Variants in CACNA2D4 observed in about 807,000 individuals in gnomAD.
The protein encoded by CACNA2D4 is calcium voltage-gated channel auxiliary subunit alpha2delta 4.
Under a neutral mutation model 163.8 loss-of-function variants are expected in CACNA2D4, and 157 were observed. The ratio of observed to expected loss-of-function variants is 0.96; its 90% confidence interval spans 0.84 to 1.09. CACNA2D4 has a LOEUF of 1.09. Ranked by LOEUF, CACNA2D4 falls within the 50% of genes least tolerant of loss-of-function variation. The probability of loss-of-function intolerance (pLI) is 0.00; values close to 1 mark genes in which losing one functional copy is unlikely to be tolerated. For synonymous variants in CACNA2D4, 598 were observed against 586.9 expected (o/e 1.02, Z -0.27); for missense variants, 1,410 against 1,479.9 (o/e 0.95, Z 0.78).
rs1418616580 is a variant in CACNA2D4 at position 1,809,333 on chromosome 12, T to C, written c.2721+945A>G. ...TTAGAGCCCTCAGCTGGGGCTGGCTTAGACACTGTGTAGTCCAGCCCCCGG... is the reference window on the plus strand; with the variant it reads ...TTAGAGCCCTCAGCTGGGGCTGGCTCAGACACTGTGTAGTCCAGCCCCCGG... On this transcript the variant is annotated intron_variant, in intron 29 of 37. Transcript: ENST00000382722. 5.1e-6 allele frequency: 3 copies of C among 587,216 alleles called. No individual in the cohort carries two copies. The African/African-American group carries it at 5.6e-5, about 11-fold the overall frequency. The allele number at this position is 587,216 out of a possible 1,614,324, so 36.4% of individuals were successfully genotyped here.
At chr12:1,811,623 T>C (rs765236934) in intron 27 of CACNA2D4, 39 bp downstream of exon 27, 62 of 1,550,370 alleles carry the variant, frequency 4.0e-5, no homozygotes, top group Non-Finnish European at 2.0e-5. Context: ...GGGAGCGTGG[T>C]GAGTCCCCAG....
At chr12:1,868,632 A>G (rs1472258852) in intron 18 of CACNA2D4, among the ~76,000 whole-genome samples, 1 of 152,076 alleles carries the variant, frequency 6.6e-6, no homozygotes, top group African/African-American at 2.4e-5. Flanking sequence ...TGTCCTTACC[A>G]CACACAGGCT....
At chr12:1,800,310 C>A (rs1184090132) in intron 32 of CACNA2D4, 76 bp downstream of exon 32, 1 of 1,490,382 alleles carries the variant, frequency 6.7e-7, no homozygotes, top group African/African-American at 1.4e-5. Flanking sequence ...GACCTTGCAG[C>A]CTCCTGCTCA....
chr12:1,841,294 G>A (rs868241160), intron 25 of CACNA2D4, among the ~76,000 whole-genome samples: 2 of 152,180 alleles, frequency 1.3e-5, no homozygotes, highest in African/African-American at 2.4e-5. Flanking sequence ...CCACCATGCG[G>A]CCCTGGGCAG....
intron 26 of CACNA2D4, chr12:1,835,450 C>G (rs918776069): frequency 6.6e-6 from 1 of 152,218 alleles, no homozygotes; most frequent in Non-Finnish European, 1.5e-5. Context: ...CACACTCACA[C>G]GGTCACACGG....
chr12:1,805,895 CGCAGGCG>C (rs1863519482), intron 29 of CACNA2D4, among the ~76,000 whole-genome samples: 1 of 152,210 alleles, frequency 6.6e-6, no homozygotes, highest in Non-Finnish European at 1.5e-5. Flanking sequence ...CTGGGCGGGC[CGCAGGCG>C]GCAGGGAAGG....
chr12:1,898,995 G>A (rs570110364), intron 6 of CACNA2D4, among the ~76,000 whole-genome samples: 38 of 152,124 alleles, frequency 2.5e-4, no homozygotes, highest in African/African-American at 8.7e-4. Context: ...TTTTGGAGAT[G>A]GATGGTGGTG....
chr12:1,884,362 C>T (rs747180709), intron 11 of CACNA2D4, 41 bp from the exon 12 acceptor site: 39 of 1,505,364 alleles, frequency 2.6e-5, no homozygotes, highest in Middle Eastern at 1.7e-4. Context: ...GCAAAATTCC[C>T]GGCCATAAGT....
intron 26 of CACNA2D4, among the ~76,000 whole-genome samples, chr12:1,839,412 C>A (rs934749672): frequency 1.3e-5 from 2 of 152,210 alleles, no homozygotes; most frequent in African/African-American, 2.4e-5. Flanking sequence ...TCTGCAGGCA[C>A]GAAGAAACTG....
At chr12:1,846,481 C>T in intron 24 of CACNA2D4, 113 bp downstream of exon 24, 2 of 830,176 alleles carry the variant, frequency 2.4e-6, no homozygotes, top group Non-Finnish European at 3.8e-6. Context: ...CCCAGGGGTC[C>T]AGCATGCTGG....
chr12:1,813,878 G>A (rs1863793451), intron 26 of CACNA2D4, among the ~76,000 whole-genome samples: 1 of 152,266 alleles, frequency 6.6e-6, no homozygotes, highest in Admixed American at 6.5e-5. Flanking sequence ...GTGTGCTCAG[G>A]GCCTAGCATG....
chr12:1,865,487 A>G (rs1592719918), intron 18 of CACNA2D4, among the ~76,000 whole-genome samples: 1 of 152,262 alleles, frequency 6.6e-6, no homozygotes, highest in South Asian at 2.1e-4. Context: ...CTTTACTGCA[A>G]GAGCCACTGT....
rs2154447332 is a variant in CACNA2D4 at position 1,834,532 on chromosome 12, G to A, written c.2551+6207C>T. On this transcript the variant is annotated intron_variant, in intron 26 of 37. Coordinates refer to ENST00000382722, the MANE Select transcript of CACNA2D4 (RefSeq NM_172364.5). This position sits in a 1 kb window ranked among gnomAD's most constrained non-coding sequence, Gnocchi z 7.6. ...GGCCGGCGAGCGTGAGGCGAGCCAT[G>A]GGCACGGTGATCATTGCAGGGGTCG... The A allele has an allele frequency of 6.2e-7, 1 of 1,605,100 alleles. No homozygotes were observed. The highest frequency in any genetic ancestry group is 1.3e-5 in the African/African-American group (1 of 75,054).
At chr12:1,890,019 C>T (rs780956710) in intron 6 of CACNA2D4, among the ~76,000 whole-genome samples, 7 of 152,118 alleles carry the variant, frequency 4.6e-5, no homozygotes, top group Admixed American at 2.0e-4. Context: ...AGCAAGTCAC[C>T]CTGCTTGGCC....
intron 26 of CACNA2D4, among the ~76,000 whole-genome samples, chr12:1,816,697 C>T (rs1333153465): frequency 2.0e-5 from 3 of 152,254 alleles, no homozygotes; most frequent in East Asian, 1.9e-4. Flanking sequence ...ACTGTCACCT[C>T]GGTGCTGCTG....
Position 1,829,401 on chromosome 12 carries a change from G to A in CACNA2D4, c.2551+11338C>T, listed in dbSNP as rs193149828. Among the ~76,000 whole-genome samples the A allele has an allele frequency of 2.0e-5, 3 of 152,196 alleles. No homozygotes were observed. The East Asian group carries it at 5.8e-4, about 30-fold the overall frequency. On this transcript the variant is annotated intron_variant, in intron 26 of 37. Transcript: ENST00000382722. This position sits in a 1 kb window ranked among gnomAD's most constrained non-coding sequence, Gnocchi z 4.2. ...GCAGACGGGCTCAGAGGGGTGAGAG[G>A]GTGAGCGGAGACATGAGGTAACCCA...
At position 1,802,019 on chromosome 12, in the gene CACNA2D4, G is replaced by GTGTT. The variant is rs1479823565; in HGVS notation, c.2722-376_2722-375insAACA. On this transcript the variant is annotated intron_variant, in intron 29 of 37. Coordinates refer to ENST00000382722, the MANE Select transcript of CACNA2D4 (RefSeq NM_172364.5). The surrounding 1 kb of genome is among the most constrained non-coding windows in gnomAD (Gnocchi z 4.7). ...AAACTGGATTTGTTTTATATGCTGT[G>GTGTT]TGTGTGTGTGTGTGTGTGTGTGTGT... Among the ~76,000 whole-genome samples, 7 of 35,848 alleles carry GTGTT rather than the reference G, an allele frequency of 2.0e-4. No homozygotes were observed. Among genetic ancestry groups the GTGTT allele is most frequent in the South Asian group, 9.7e-4 (1 of 1,034 alleles). The allele number at this position is 35,848 out of a possible 152,430, so 23.5% of individuals were successfully genotyped here. A position where few individuals can be genotyped will look rare whatever the true frequency, so the allele number is the denominator to read the frequency against.
intron 26 of CACNA2D4, among the ~76,000 whole-genome samples, chr12:1,823,512 T>C (rs1864194577): frequency 6.6e-6 from 1 of 152,018 alleles, no homozygotes; most frequent in Non-Finnish European, 1.5e-5. Context: ...CCCACTCAGC[T>C]CCGCATGTGG....
intron 29 of CACNA2D4, among the ~76,000 whole-genome samples, chr12:1,803,834 G>A (rs1863421281): frequency 6.6e-6 from 1 of 152,198 alleles, no homozygotes; most frequent in Admixed American, 6.5e-5. Context: ...GGACAGGCAG[G>A]GAACACACAA....
Sources: gnomAD v4.1 joint callset for allele counts (sites outside exome capture counted in the v4.1 genomes callset) on GRCh38, gnomAD v4.1.1 for gene constraint, Gnocchi (gnomAD v3.1) non-coding constraint, MANE v1.5 for transcripts, NCBI Gene and HGNC (gene_info 2026-07-23, HGNC 2026-07-21) for gene names.